The following PCDHGA2 variants were observed in gnomAD, a reference collection of about 807,000 sequenced individuals.
The protein encoded by PCDHGA2 is protocadherin gamma-A2.
In PCDHGA2, 40 loss-of-function variants were observed where a neutral mutation model predicts 59.2. The ratio of observed to expected loss-of-function variants is 0.68; its 90% CI spans 0.52 to 0.88. The LOEUF is 0.88. Among genes scored for constraint, PCDHGA2 ranks in the 40% least tolerant of loss-of-function variants. PCDHGA2 has a pLI of 0.00. For synonymous variants in PCDHGA2, 560 were observed against 526.0 expected (o/e 1.06, Z -0.89); for missense variants, 1,226 against 1,204.0 (o/e 1.02, Z -0.27).
At chr5:141,408,400 G>A (rs2095097999) in intron 1 of PCDHGA2, 2 of 1,614,052 alleles carry the variant, frequency 1.2e-6, no homozygotes, top group Non-Finnish European at 1.7e-6. Flanking sequence ...CTCGCAAGCT[G>A]CGAGTGAGCG....
chr5:141,340,571 G>T lies in PCDHGA2; in HGVS notation c.1600G>T (p.Ala534Ser). ...GCGAGACTTGCAAGTGTGGGTGATA[G>T]CGCGGGACAGCGGGAACCCTCCACT... ...QLRDLQVWVI[A>S]RDSGNPPLSS... Residue 534 changes from alanine (A) to serine (S), a missense_variant, in exon 1 of 4, where the codon GCG becomes TCG. Coordinates refer to ENST00000394576, the MANE Select transcript of PCDHGA2 (RefSeq NM_018915.4). 2 of 1,614,256 alleles carry T rather than the reference G, an allele frequency of 1.2e-6. No homozygotes were observed. The highest frequency in any genetic ancestry group is 1.7e-6 in the Non-Finnish European group (2 of 1,180,052).
At chr5:141,488,797 T>G (rs1451050520) in intron 1 of PCDHGA2, among the ~76,000 whole-genome samples, 6 of 152,158 alleles carry the variant, frequency 3.9e-5, no homozygotes, top group Non-Finnish European at 8.8e-5. Context: ...TCTTCCCTGT[T>G]GAGTACCATC....
intron 1 of PCDHGA2, chr5:141,351,146 GA>G: frequency 6.2e-7 from 1 of 1,613,958 alleles, no homozygotes; most frequent in Non-Finnish European, 8.5e-7. Flanking sequence ...AAATACTGGC[GA>G]CATCACAACC....
chr5:141,432,686 G>A lies in PCDHGA2; in HGVS notation c.2425-62121G>A. On this transcript the variant is annotated intron_variant, in intron 1 of 3. Transcript: ENST00000394576. The surrounding 1 kb of genome is among the most constrained non-coding windows in gnomAD (Gnocchi z 6.0). The stretch of plus-strand genomic sequence containing the variant: ...CAGAGACGCGCTCAAGCAGAGCCTC[G>A]TAGTGGCCGTCCAGGACCACGGCCA... 2 of 1,613,922 alleles carry A rather than the reference G, an allele frequency of 1.2e-6. No homozygotes were observed. The highest frequency in any genetic ancestry group is 1.7e-5 in the Admixed American group (1 of 60,020).
chr5:141,366,152 C>T (rs62378419), intron 1 of PCDHGA2: 45,753 of 1,614,134 alleles, frequency 0.028, 734 homozygotes, highest in Middle Eastern at 0.089. Flanking sequence ...GTCCTACCGC[C>T]TGCTTAAGGC....
chr5:141,349,794 T>G (rs1381882948), intron 1 of PCDHGA2, among the ~76,000 whole-genome samples: 1 of 152,176 alleles, frequency 6.6e-6, no homozygotes, highest in East Asian at 1.9e-4. Flanking sequence ...ACTGAAGATT[T>G]TTTTTTACCC....
intron 1 of PCDHGA2, chr5:141,352,079 GC>G: frequency 1.2e-6 from 2 of 1,604,962 alleles, no homozygotes; most frequent in Non-Finnish European, 1.7e-6. Context: ...CGTGCTGCAG[GC>G]CAGCGAGCCC....
At chr5:141,372,579 C>A in intron 1 of PCDHGA2, 1 of 1,614,048 alleles carries the variant, frequency 6.2e-7, no homozygotes, top group Non-Finnish European at 8.5e-7. Flanking sequence ...CTACTTTCAG[C>A]CTGGTGTCTG....
chr5:141,347,768 TAGAG>T (rs1175375431), intron 1 of PCDHGA2, among the ~76,000 whole-genome samples: 1 of 147,122 alleles, frequency 6.8e-6, no homozygotes, highest in Non-Finnish European at 1.5e-5. Flanking sequence ...GCTGGGGCAA[TAGAG>T]AGAGACTCCA....
intron 1 of PCDHGA2, chr5:141,375,382 T>C (rs1197726438): frequency 6.2e-7 from 1 of 1,613,986 alleles, no homozygotes; most frequent in Non-Finnish European, 8.5e-7. Flanking sequence ...CACCTCTGTC[T>C]ACAGAAACAA....
intron 1 of PCDHGA2, chr5:141,342,384 A>G (rs1757154263): frequency 6.6e-6 from 1 of 152,110 alleles, no homozygotes; most frequent in African/African-American, 2.4e-5. Flanking sequence ...TATGTTGGTT[A>G]TGTATTTAAT....
chr5:141,483,303 T>A (rs1222660132), intron 1 of PCDHGA2, among the ~76,000 whole-genome samples: 1 of 152,146 alleles, frequency 6.6e-6, no homozygotes, highest in Non-Finnish European at 1.5e-5. Context: ...GTGAAGGGAC[T>A]GGGGACATTG....
Position 141,405,415 on chromosome 5 carries a change from GT to G in PCDHGA2, c.2424+64026del, listed in dbSNP as rs757320616. The G allele has an allele frequency of 3.1e-4, 488 of 1,559,566 alleles. 1 individual carries two copies. Among genetic ancestry groups the G allele is most frequent in the Admixed American group, 8.4e-4 (46 of 54,770 alleles). On this transcript the variant is annotated intron_variant, in intron 1 of 3. Transcript: ENST00000394576. Reference sequence around the variant, plus strand: ...TTTTCTTTCTTTCTTTTCTTTTTTTGTTTTTTGTTTTGTTTTGTTTTTGAGA... The same window carrying G: ...TTTTCTTTCTTTCTTTTCTTTTTTTGTTTTTGTTTTGTTTTGTTTTTGAGA...
Position 141,476,656 on chromosome 5 carries a change from T to G in PCDHGA2, c.2425-18151T>G, listed in dbSNP as rs190269177. On this transcript the variant is annotated intron_variant, in intron 1 of 3. Transcript: ENST00000394576. The surrounding 1 kb of genome is among the most constrained non-coding windows in gnomAD (Gnocchi z 7.6). ...ATGAGCTGAGCCGAAATGAATACTTTGCGCTTCGCGTGCAGACGCGGGAGG... is the reference window on the plus strand; with the variant it reads ...ATGAGCTGAGCCGAAATGAATACTTGGCGCTTCGCGTGCAGACGCGGGAGG... The G allele has an allele frequency of 1.2e-6, 2 of 1,614,210 alleles. No individual in the cohort carries two copies. The highest frequency in any genetic ancestry group is 1.7e-6 in the Non-Finnish European group (2 of 1,180,044).
chr5:141,398,857 C>T (rs749773693), intron 1 of PCDHGA2: 15 of 1,613,800 alleles, frequency 9.3e-6, no homozygotes, highest in African/African-American at 1.3e-5. Flanking sequence ...GGTATTCAAC[C>T]GAGACGTGTA....
At chr5:141,456,220 T>C (rs965297694) in intron 1 of PCDHGA2, among the ~76,000 whole-genome samples, 1 of 152,098 alleles carries the variant, frequency 6.6e-6, no homozygotes, top group Admixed American at 6.6e-5. Context: ...TGTGGCGATA[T>C]CAAACTAACT....
intron 1 of PCDHGA2, among the ~76,000 whole-genome samples, chr5:141,359,477 G>T (rs1761224775): frequency 1.3e-5 from 2 of 151,182 alleles, no homozygotes; most frequent in South Asian, 4.2e-4. Flanking sequence ...ACAAATTGTT[G>T]TATATTCATA....
Position 141,431,451 on chromosome 5 carries a change from T to C in PCDHGA2, c.2425-63356T>C. On this transcript the variant is annotated intron_variant, in intron 1 of 3. Transcript: ENST00000394576. The surrounding 1 kb of genome is among the most constrained non-coding windows in gnomAD (Gnocchi z 4.8). ...ACAGGCACCGCGCGCATCCGCGTGA[T>C]GGTTCTGGATGCGAACGACAACGCA... The C allele has an allele frequency of 6.2e-7, 1 of 1,613,762 alleles. No individual in the cohort carries two copies. Among genetic ancestry groups the C allele is most frequent in the African/African-American group, 1.3e-5 (1 of 75,072 alleles).
At chr5:141,360,765 G>A (rs1194584899) in intron 1 of PCDHGA2, 1 of 1,613,902 alleles carries the variant, frequency 6.2e-7, no homozygotes, top group East Asian at 2.2e-5. Flanking sequence ...TACATCAATT[G>A]GTCCTCACAG....
Sources: allele counts gnomAD v4.1 joint callset (sites outside exome capture counted in the v4.1 genomes callset), GRCh38; gene constraint gnomAD v4.1.1; non-coding constraint Gnocchi (gnomAD v3.1); transcripts MANE v1.5; gene names NCBI Gene and HGNC (gene_info 2026-07-23, HGNC 2026-07-21).